The following PTPRD variants were observed in gnomAD, a reference collection of about 807,000 sequenced individuals.
PTPRD encodes protein tyrosine phosphatase receptor type D.
A neutral mutation model predicts 214.5 loss-of-function variants in PTPRD; 34 were observed. That is an observed-to-expected ratio of 0.16 (90% CI 0.12 to 0.21). The LOEUF is 0.21. Among genes scored for constraint, PTPRD ranks in the 10% least tolerant of loss-of-function variants. The pLI is 1.00. For synonymous variants in PTPRD, 1,128 were observed against 845.7 expected, an observed-to-expected ratio of 1.33 and a Z score of -5.79; for missense variants, 2,545 against 2,398.7, an observed-to-expected ratio of 1.06 and a Z score of -1.27.
intron 21 of PTPRD, among the ~76,000 whole-genome samples, chr9:8,513,807 T>A (rs2097729398): frequency 6.6e-6 from 1 of 152,100 alleles, no homozygotes. Flanking sequence ...CTGGCCTTTT[T>A]AATTAAGCCT....
intron 9 of PTPRD, among the ~76,000 whole-genome samples, chr9:9,276,965 A>T (rs919730139): frequency 6.6e-6 from 1 of 151,268 alleles, no homozygotes; most frequent in Non-Finnish European, 1.5e-5. Flanking sequence ...CAGCATTTTC[A>T]GCATCTCTGC....
At chr9:9,764,225 G>C (rs1263044662) in intron 6 of PTPRD, among the ~76,000 whole-genome samples, 3 of 152,030 alleles carry the variant, frequency 2.0e-5, no homozygotes, top group African/African-American at 4.8e-5. Flanking sequence ...AATATTATGG[G>C]CATGCTATGG....
At position 8,936,452 on chromosome 9, in the gene PTPRD, A is replaced by G. The variant is rs370858257; in HGVS notation, c.-104+82245T>C. On this transcript the variant is annotated intron_variant, in intron 11 of 45. Transcript: ENST00000381196. ...CAAAAAAAAAAAAAAAAAAAAAAAG[A>G]AGATGAAAAATAACTTCATCTAATT... 3.6e-3 allele frequency among the ~76,000 whole-genome samples: 528 copies of G among 147,530 alleles called. 4 individuals are homozygous for G. The highest frequency in any genetic ancestry group is 0.012 in the African/African-American group (488 of 40,424).
intron 2 of PTPRD, among the ~76,000 whole-genome samples, chr9:10,370,013 G>C (rs1377957114): frequency 6.6e-6 from 1 of 151,896 alleles, no homozygotes; most frequent in Non-Finnish European, 1.5e-5. Flanking sequence ...TATGATGCAG[G>C]CACTATTATT....
intron 14 of PTPRD, among the ~76,000 whole-genome samples, chr9:8,529,367 G>T (rs981746825): frequency 6.6e-6 from 1 of 151,950 alleles, no homozygotes; most frequent in African/African-American, 2.4e-5. Context: ...AACCCAAATC[G>T]ATTACTTTGT....
At chr9:9,472,556 T>G (rs569853787) in intron 8 of PTPRD, among the ~76,000 whole-genome samples, 1 of 152,284 alleles carries the variant, frequency 6.6e-6, no homozygotes, top group Non-Finnish European at 1.5e-5. Flanking sequence ...GGAACCAACG[T>G]AAGCTGTTCA....
intron 35 of PTPRD, among the ~76,000 whole-genome samples, chr9:8,420,000 T>G (rs183213197): frequency 6.6e-6 from 1 of 152,280 alleles, no homozygotes; most frequent in Admixed American, 6.5e-5. Context: ...CATCTTTGTA[T>G]GTATTGAGTG....
Position 9,058,442 on chromosome 9 carries a change from G to GTTTTTTGTTTT in PTPRD, c.-142-39708_-142-39707insAAAACAAAAAA, listed in dbSNP as rs2099700396. ...TATTGGTGAGAGAAATATTATGAGGGTTTTTTTTTTTTTTTTTTTTTTTTT... is the reference window on the plus strand; with the variant it reads ...TATTGGTGAGAGAAATATTATGAGGGTTTTTTGTTTTTTTTTTTTTTTTTTTTTTTTTTTTT... On this transcript the variant is annotated intron_variant, in intron 10 of 45. Coordinates refer to ENST00000381196, the MANE Select transcript of PTPRD (RefSeq NM_002839.4). 2.9e-5 allele frequency among the ~76,000 whole-genome samples: 2 copies of GTTTTTTGTTTT among 69,900 alleles called. 1 individual carries two copies. The highest frequency in any genetic ancestry group is 5.3e-5 in the Non-Finnish European group (2 of 38,078). 45.9% of individuals were successfully genotyped at this position (69,900 alleles called of 152,430 possible).
chr9:9,910,686 A>G (rs2078943618), intron 5 of PTPRD, among the ~76,000 whole-genome samples: 1 of 151,860 alleles, frequency 6.6e-6, no homozygotes, highest in Admixed American at 6.6e-5. Context: ...ATATAGATGT[A>G]TTTGTCATTT....
intron 3 of PTPRD, among the ~76,000 whole-genome samples, chr9:10,247,232 T>G (rs1053015674): frequency 2.6e-5 from 4 of 152,146 alleles, no homozygotes; most frequent in Non-Finnish European, 4.4e-5. Context: ...CAAATTCCCA[T>G]GCCTAAATGG....
chr9:9,063,391 T>A (rs1234983007), intron 10 of PTPRD, among the ~76,000 whole-genome samples: 1 of 152,180 alleles, frequency 6.6e-6, no homozygotes, highest in East Asian at 1.9e-4. Flanking sequence ...CTGAAATGCC[T>A]ACCCTCATCA....
At chr9:8,613,137 T>G (rs1233145574) in intron 14 of PTPRD, among the ~76,000 whole-genome samples, 1 of 152,222 alleles carries the variant, frequency 6.6e-6, no homozygotes, top group Non-Finnish European at 1.5e-5. Context: ...TAGGATGTCT[T>G]AGCTCTCCAT....
At chr9:8,385,908 T>G (rs10758970) in intron 37 of PTPRD, among the ~76,000 whole-genome samples, 85,630 of 151,822 alleles carry the variant, frequency 0.56, 24,884 homozygotes, top group African/African-American at 0.68. Context: ...TAATTAACCA[T>G]GTTCAGGGAC....
Position 8,317,063 on chromosome 9 carries a change from T to C in PTPRD, c.*811A>G, listed in dbSNP as rs1822387864. ...CAAAATAATAATTATCTTTGATTAT[T>C]TGAAGAGAATGGGTACTTTCTCACC... On this transcript the variant is annotated 3_prime_UTR_variant, in exon 46 of 46. Coordinates refer to ENST00000381196, the MANE Select transcript of PTPRD (RefSeq NM_002839.4). 4.3e-6 allele frequency: 1 copy of C among 231,494 alleles called. No individual in the cohort carries two copies. Among genetic ancestry groups the C allele is most frequent in the African/African-American group, 2.2e-5 (1 of 45,036 alleles). 14.3% of individuals were successfully genotyped at this position (231,494 alleles called of 1,614,324 possible).
At chr9:8,584,419 C>T (rs980403935) in intron 14 of PTPRD, among the ~76,000 whole-genome samples, 4 of 150,242 alleles carry the variant, frequency 2.7e-5, no homozygotes, top group African/African-American at 9.8e-5. Context: ...GTGTGTAGTA[C>T]ATATTGGTAT....
intron 2 of PTPRD, among the ~76,000 whole-genome samples, chr9:10,533,444 C>T (rs774705499): frequency 2.8e-4 from 42 of 151,954 alleles, no homozygotes; most frequent in Non-Finnish European, 5.3e-4. Context: ...ATGAAATTTA[C>T]AATCATAGAG....
At chr9:10,612,064 A>G (rs1229050920) in intron 2 of PTPRD, among the ~76,000 whole-genome samples, 2 of 152,050 alleles carry the variant, frequency 1.3e-5, no homozygotes, top group African/African-American at 4.8e-5. Context: ...AGCTTTTTCT[A>G]GATAACCACC....
At chr9:9,827,321 G>A (rs920737509) in intron 5 of PTPRD, among the ~76,000 whole-genome samples, 5 of 152,006 alleles carry the variant, frequency 3.3e-5, no homozygotes, top group African/African-American at 1.2e-4. Context: ...ATAGACCAAT[G>A]GAACAGAACA....
chr9:8,371,015 T>A (rs2081358613), intron 39 of PTPRD, among the ~76,000 whole-genome samples: 1 of 152,086 alleles, frequency 6.6e-6, no homozygotes, highest in African/African-American at 2.4e-5. Flanking sequence ...CAAGAAAGAT[T>A]ATTTGATGTT....
Sources: allele counts gnomAD v4.1 joint callset (sites outside exome capture counted in the v4.1 genomes callset), GRCh38; gene constraint gnomAD v4.1.1; transcripts MANE v1.5; gene names NCBI Gene and HGNC (gene_info 2026-07-23, HGNC 2026-07-21).